Variants in TOX observed in about 807,000 individuals in gnomAD.
TOX encodes thymocyte selection-associated high mobility group box protein TOX.
Under a neutral mutation model 53.7 loss-of-function variants are expected in TOX, and 11 were observed. The ratio of observed to expected loss-of-function variants is 0.20; its 90% CI spans 0.13 to 0.34. TOX has a LOEUF of 0.34. TOX is among the 10% of genes least tolerant of loss of function. TOX has a pLI of 1.00. For synonymous variants in TOX, 225 were observed against 245.3 expected (o/e 0.92, Z 0.77); for missense variants, 570 against 664.6 (o/e 0.86, Z 1.56).
chr8:58,931,564 A>T (rs1253708215), intron 3 of TOX, among the ~76,000 whole-genome samples: 1 of 152,172 alleles, frequency 6.6e-6, no homozygotes, highest in East Asian at 1.9e-4. Flanking sequence ...TTAATAAGGA[A>T]CTTCCTGGAA....
chr8:58,863,035 C>T (rs1204637974), intron 3 of TOX, among the ~76,000 whole-genome samples: 2 of 152,010 alleles, frequency 1.3e-5, no homozygotes, highest in Non-Finnish European at 2.9e-5. Flanking sequence ...AATTATCTAT[C>T]ATTTACTGGT....
intron 6 of TOX, among the ~76,000 whole-genome samples, chr8:58,820,582 CT>C (rs1365866059): frequency 6.6e-6 from 1 of 152,106 alleles, no homozygotes; most frequent in East Asian, 1.9e-4. Context: ...AACTCTTTGT[CT>C]TTTGATGGTG....
intron 1 of TOX, among the ~76,000 whole-genome samples, chr8:59,114,830 G>A (rs1313311060): frequency 6.6e-6 from 1 of 152,090 alleles, no homozygotes; most frequent in Non-Finnish European, 1.5e-5. Context: ...CCACATTAAA[G>A]TATAATACAT....
chr8:59,021,429 T>A (rs1814128006), intron 1 of TOX, among the ~76,000 whole-genome samples: 1 of 139,562 alleles, frequency 7.2e-6, no homozygotes, highest in Non-Finnish European at 1.5e-5. Flanking sequence ...AGGTCACTTG[T>A]TAAATTTTGC....
intron 1 of TOX, among the ~76,000 whole-genome samples, chr8:59,089,916 T>C (rs900550393): frequency 1.3e-5 from 2 of 152,210 alleles, no homozygotes; most frequent in Non-Finnish European, 1.5e-5. Context: ...AACACCTCCA[T>C]CCATGCTAGG....
chr8:58,810,198 C>T (rs1430104997), intron 7 of TOX, among the ~76,000 whole-genome samples: 1 of 152,008 alleles, frequency 6.6e-6, no homozygotes, highest in African/African-American at 2.4e-5. Flanking sequence ...GAGATGGAGA[C>T]TTGCAATGTT....
intron 1 of TOX, among the ~76,000 whole-genome samples, chr8:59,009,694 T>TC (rs1813864193): frequency 6.6e-6 from 1 of 152,132 alleles, no homozygotes; most frequent in African/African-American, 2.4e-5. Flanking sequence ...CCACCCTGTT[T>TC]CTCTCTTCCA....
At chr8:59,041,764 T>A (rs1030473561) in intron 1 of TOX, among the ~76,000 whole-genome samples, 20 of 152,352 alleles carry the variant, frequency 1.3e-4, no homozygotes, top group African/African-American at 3.8e-4. Context: ...ATCTGCCCGT[T>A]ATTACAAGAG....
rs753547236 is a variant in TOX, at chr8:58,851,591, C to G, written c.626G>C (p.Gly209Ala). 6.2e-7 allele frequency: 1 copy of G among 1,613,596 alleles called. No homozygotes were observed. The highest frequency in any genetic ancestry group is 8.5e-7 in the Non-Finnish European group (1 of 1,179,758). ...TGGTGAAGGAGTTGCAGACTTGCTTCCAGGTGGAGATGGTGAGTTGTGGGG... is the reference window on the plus strand; with the variant it reads ...TGGTGAAGGAGTTGCAGACTTGCTTGCAGGTGGAGATGGTGAGTTGTGGGG... ...NVPHNSPSPPGSKSATPSPSS... is the reference protein window; with the variant it reads ...NVPHNSPSPPASKSATPSPSS... Residue 209 changes from glycine to alanine, a missense_variant, in exon 4 of 9, where the codon GGA becomes GCA. Gly to Ala is a moderately conservative substitution (Grantham distance 60, BLOSUM62 0). Around this residue, in one of 3 missense-constraint regions of TOX, gnomAD observed 282 missense variants for 315.0 expected, o/e 0.90. Transcript: ENST00000361421. This position sits in a 1 kb window ranked among gnomAD's most constrained non-coding sequence, Gnocchi z 4.4.
intron 3 of TOX, among the ~76,000 whole-genome samples, chr8:58,888,768 G>A (rs1306678536): frequency 6.6e-6 from 1 of 151,784 alleles, no homozygotes; most frequent in Non-Finnish European, 1.5e-5. Flanking sequence ...CTACATAATA[G>A]AAATAAATCA....
chr8:59,013,679 G>C (rs1413289087), intron 1 of TOX, among the ~76,000 whole-genome samples: 1 of 152,198 alleles, frequency 6.6e-6, no homozygotes, highest in Non-Finnish European at 1.5e-5. Context: ...AAAGTGCTGG[G>C]ATTACAGGCG....
chr8:58,827,063 T>C (rs573037761), intron 5 of TOX, among the ~76,000 whole-genome samples, 161 bp from the exon 6 acceptor site: 5 of 152,092 alleles, frequency 3.3e-5, no homozygotes, highest in African/African-American at 1.2e-4. Flanking sequence ...TGAAACAGAT[T>C]TTTAAGAAGT....
chr8:59,077,737 C>A (rs570521669), intron 1 of TOX, among the ~76,000 whole-genome samples: 4 of 151,968 alleles, frequency 2.6e-5, no homozygotes, highest in African/African-American at 9.7e-5. Context: ...GAATGAAGTT[C>A]GATACTTATT....
rs550373356 is a variant in TOX at position 59,067,333 on chromosome 8, C to T, written c.102+51553G>A. The stretch of plus-strand genomic sequence containing the variant: ...CTTTGGGAGGTCGAGGAGGGAGGAT[C>T]ATTTGAGGTCAGGAGTTTGATACCA... On this transcript the variant is annotated intron_variant, in intron 1 of 8. Transcript: ENST00000361421. Among the ~76,000 whole-genome samples, 5 of 152,230 alleles carry T rather than the reference C, an allele frequency of 3.3e-5. No homozygotes were observed. The South Asian group carries it at 1.0e-3, about 32-fold the overall frequency.
At chr8:59,061,826 C>T (rs1263046157) in intron 1 of TOX, among the ~76,000 whole-genome samples, 4 of 152,046 alleles carry the variant, frequency 2.6e-5, no homozygotes, top group African/African-American at 9.7e-5. Flanking sequence ...AATCCACGTG[C>T]GCCCATGCCC....
intron 3 of TOX, among the ~76,000 whole-genome samples, chr8:58,892,206 C>A (rs1811570361): frequency 6.6e-6 from 1 of 152,114 alleles, no homozygotes; most frequent in African/African-American, 2.4e-5. Flanking sequence ...TGGTTCTCAG[C>A]ATTTCTTTAT....
chr8:58,991,023 G>A (rs1039393582), intron 1 of TOX, among the ~76,000 whole-genome samples: 2 of 152,100 alleles, frequency 1.3e-5, no homozygotes, highest in Admixed American at 6.5e-5. Context: ...ATTAATCCTC[G>A]TAAGCCTCAT....
At chr8:58,904,823 T>C (rs1344381099) in intron 3 of TOX, among the ~76,000 whole-genome samples, 2 of 152,182 alleles carry the variant, frequency 1.3e-5, no homozygotes, top group Non-Finnish European at 2.9e-5. Context: ...GAAAATAAAA[T>C]AGCCAAATCT....
intron 3 of TOX, among the ~76,000 whole-genome samples, chr8:58,876,313 C>T (rs1264604328): frequency 6.6e-6 from 1 of 151,956 alleles, no homozygotes; most frequent in African/African-American, 2.4e-5. Context: ...TGGGTTAATT[C>T]AGGCTGATAT....
Sources: gnomAD v4.1 joint callset for allele counts (sites outside exome capture counted in the v4.1 genomes callset) on GRCh38, gnomAD v4.1.1 for gene constraint, gnomAD v4.1.1 regional missense constraint, Gnocchi (gnomAD v3.1) non-coding constraint, MANE v1.5 for transcripts, NCBI Gene and HGNC (gene_info 2026-07-23, HGNC 2026-07-21) for gene names.